Variants in SNTG1 observed in about 807,000 individuals in gnomAD.
SNTG1 encodes the protein syntrophin gamma 1, also known as gamma-1-syntrophin.
Under a neutral mutation model 74.7 loss-of-function variants are expected in SNTG1, and 39 were observed. The ratio of observed to expected loss-of-function variants is 0.52; its 90% CI spans 0.40 to 0.68. The LOEUF (loss-of-function observed/expected upper bound fraction) is 0.68, where lower values mean the gene tolerates loss of function less well. SNTG1 is among the 30% of genes least tolerant of loss of function. The pLI, the probability that SNTG1 is intolerant of heterozygous loss-of-function variation, is 0.00. For synonymous variants in SNTG1, 254 were observed against 217.1 expected, an observed-to-expected ratio of 1.17 and a Z score of -1.49; for missense variants, 685 against 609.5, an observed-to-expected ratio of 1.12 and a Z score of -1.30.
At chr8:50,094,156 A>G (rs2079843703) in intron 1 of SNTG1, among the ~76,000 whole-genome samples, 1 of 152,104 alleles carries the variant, frequency 6.6e-6, no homozygotes, top group Admixed American at 6.6e-5. Context: ...GTAGATAAGT[A>G]GCACTGAGGA....
intron 18 of SNTG1, among the ~76,000 whole-genome samples, chr8:50,757,034 T>A (rs1210039041): frequency 2.6e-5 from 4 of 151,778 alleles, no homozygotes; most frequent in Admixed American, 1.3e-4. Context: ...TCTTTCCCTT[T>A]TTTATAATTT....
chr8:50,697,982 T>C (rs2095410880), intron 15 of SNTG1, among the ~76,000 whole-genome samples: 2 of 152,258 alleles, frequency 1.3e-5, no homozygotes, highest in South Asian at 4.1e-4. Context: ...CTTTTCAGTT[T>C]TTTGAAAAGT....
intron 8 of SNTG1, among the ~76,000 whole-genome samples, chr8:50,472,535 A>G (rs1367971439): frequency 6.6e-6 from 1 of 152,156 alleles, no homozygotes; most frequent in Non-Finnish European, 1.5e-5. Context: ...ATGGATGATT[A>G]AAGATCTAAT....
At chr8:50,744,994 A>C (rs1377511653) in intron 17 of SNTG1, among the ~76,000 whole-genome samples, 2 of 152,014 alleles carry the variant, frequency 1.3e-5, no homozygotes, top group Non-Finnish European at 2.9e-5. Flanking sequence ...AAATTTGGCA[A>C]TAATTTCTTT....
At chr8:50,550,945 T>C (rs1174561129) in intron 11 of SNTG1, among the ~76,000 whole-genome samples, 11 of 152,182 alleles carry the variant, frequency 7.2e-5, no homozygotes, top group African/African-American at 2.4e-4. Context: ...GGACATTTTC[T>C]TTTAACACTG....
In SNTG1 at chr8:50,795,631, AAC is replaced by A. The variant is rs1802776435; in HGVS notation, c.*2806_*2807del. On this transcript the variant is annotated 3_prime_UTR_variant, in exon 19 of 19. Coordinates refer to ENST00000642720, the MANE Select transcript of SNTG1 (RefSeq NM_018967.5). ...TTAAAGGGTTCATTACAGTGTACAT[AAC>A]ACAAGCTTAATGGAGAATATTGTAG... The A allele has an allele frequency of 6.6e-6, 1 of 152,004 alleles. No individual in the cohort carries two copies. Among genetic ancestry groups the A allele is most frequent in the South Asian group, 2.1e-4 (1 of 4,828 alleles). The allele number at this position is 152,004 out of a possible 1,614,324, so 9.4% of individuals were successfully genotyped here. A position where few individuals can be genotyped will look rare whatever the true frequency, so the allele number is the denominator to read the frequency against.
At position 50,501,108 on chromosome 8, in the gene SNTG1, G is replaced by A. The variant is rs557685156; in HGVS notation, c.364-1670G>A. On this transcript the variant is annotated intron_variant, in intron 8 of 18. Transcript: ENST00000642720. ...AGGCTAGCACTTCTGCTGGCTTCCCGTTGTCACCGCTCACTGATGTTTGCT... is the reference window on the plus strand; with the variant it reads ...AGGCTAGCACTTCTGCTGGCTTCCCATTGTCACCGCTCACTGATGTTTGCT... Among the ~76,000 whole-genome samples, 36 of 152,108 alleles carry A rather than the reference G, an allele frequency of 2.4e-4. 1 individual carries two copies. Among genetic ancestry groups the A allele is most frequent in the Non-Finnish European group, 4.0e-4 (27 of 68,010 alleles).
chr8:50,484,102 C>CTCTCTCTTTCTTTCTT, intron 8 of SNTG1, among the ~76,000 whole-genome samples: 1 of 110,870 alleles, frequency 9.0e-6, no homozygotes, highest in Admixed American at 1.0e-4. Context: ...CTTTCTTTCT[C>CTCTCTCTTTCTTTCTT]TCTTTCTTTC....
intron 2 of SNTG1, among the ~76,000 whole-genome samples, chr8:50,191,286 G>T (rs1347798058): frequency 1.3e-5 from 2 of 152,110 alleles, no homozygotes; most frequent in Non-Finnish European, 2.9e-5. Context: ...TATTGTAACA[G>T]ATATTTTATC....
At chr8:50,048,514 T>C (rs1819292391) in intron 1 of SNTG1, among the ~76,000 whole-genome samples, 1 of 152,182 alleles carries the variant, frequency 6.6e-6, no homozygotes, top group African/African-American at 2.4e-5. Flanking sequence ...TTTACAATAG[T>C]CATTAACTTA....
intron 1 of SNTG1, among the ~76,000 whole-genome samples, chr8:50,042,232 C>G (rs1818697972): frequency 6.6e-6 from 1 of 152,178 alleles, no homozygotes; most frequent in Non-Finnish European, 1.5e-5. Flanking sequence ...TCTCTGGGAT[C>G]TGTTCCCATC....
chr8:50,639,970 T>C (rs1324431403), intron 13 of SNTG1, among the ~76,000 whole-genome samples: 1 of 152,140 alleles, frequency 6.6e-6, no homozygotes, highest in Admixed American at 6.6e-5. Context: ...CTAGTTCTTA[T>C]TTGGTCATAA....
intron 13 of SNTG1, among the ~76,000 whole-genome samples, chr8:50,630,406 C>T (rs898552797): frequency 2.6e-5 from 4 of 152,084 alleles, no homozygotes; most frequent in Admixed American, 1.3e-4. Flanking sequence ...ATAATTAATG[C>T]CAAGGGTTTT....
intron 1 of SNTG1, among the ~76,000 whole-genome samples, chr8:50,059,446 A>C (rs939505381): frequency 1.4e-4 from 21 of 152,068 alleles, no homozygotes; most frequent in African/African-American, 5.1e-4. Context: ...CAATATTAGA[A>C]TATTTTCATT....
chr8:50,217,728 G>A lies in SNTG1; in HGVS notation c.-28+45093G>A, dbSNP rs981735713. On this transcript the variant is annotated intron_variant, in intron 2 of 18. Coordinates refer to ENST00000642720, the MANE Select transcript of SNTG1 (RefSeq NM_018967.5). ...TCATAACAACTCTTCAAATTATGAG[G>A]CTAAGAAAGCCTACCATATTTTCTA... 2.0e-5 allele frequency among the ~76,000 whole-genome samples: 3 copies of A among 152,080 alleles called. No homozygotes were observed. The East Asian group carries it at 5.8e-4, about 29-fold the overall frequency.
intron 1 of SNTG1, among the ~76,000 whole-genome samples, chr8:50,037,525 G>C (rs1818267497): frequency 6.6e-6 from 1 of 152,176 alleles, no homozygotes; most frequent in Non-Finnish European, 1.5e-5. Flanking sequence ...TAGATAAATA[G>C]TTAGAAGGTA....
intron 1 of SNTG1, among the ~76,000 whole-genome samples, chr8:50,075,490 C>T (rs988921136): frequency 7.9e-5 from 12 of 152,278 alleles, no homozygotes; most frequent in Admixed American, 2.6e-4. Flanking sequence ...GGATTGTAAA[C>T]GCATTAATCA....
intron 8 of SNTG1, among the ~76,000 whole-genome samples, chr8:50,473,286 C>T (rs536820886): frequency 2.4e-4 from 36 of 152,268 alleles, no homozygotes; most frequent in African/African-American, 8.4e-4. Flanking sequence ...TGCCTTGCTT[C>T]CCCTTCACCT....
At chr8:50,040,899 T>C (rs1436599368) in intron 1 of SNTG1, among the ~76,000 whole-genome samples, 4 of 152,176 alleles carry the variant, frequency 2.6e-5, no homozygotes, top group Non-Finnish European at 4.4e-5. Context: ...AAATTAATTA[T>C]TATTATTATT....
Sources: allele counts gnomAD v4.1 joint callset (sites outside exome capture counted in the v4.1 genomes callset), GRCh38; gene constraint gnomAD v4.1.1; transcripts MANE v1.5; gene names NCBI Gene and HGNC (gene_info 2026-07-23, HGNC 2026-07-21).